KCNQ5: variants seen among roughly 807,000 people sequenced by gnomAD.
KCNQ5 encodes the protein potassium voltage-gated channel subfamily KQT member 5.
KCNQ5 carries 30 observed loss-of-function variants against 98.2 expected under a neutral mutation model. The observed-to-expected ratio is 0.31, with a 90% CI of 0.23 to 0.41. The LOEUF is 0.41. KCNQ5 is among the 10% of genes least tolerant of loss of function. The pLI is 1.00. For synonymous variants in KCNQ5, 458 were observed against 449.4 expected, an observed-to-expected ratio of 1.02 and a Z score of -0.24; for missense variants, 835 against 1,182.5, an observed-to-expected ratio of 0.71 and a Z score of 4.31.
intron 1 of KCNQ5, among the ~76,000 whole-genome samples, chr6:72,824,611 C>G (rs1377465684): frequency 6.6e-6 from 1 of 151,978 alleles, no homozygotes; most frequent in East Asian, 1.9e-4. Flanking sequence ...TACTTTGCAG[C>G]CTAATGATAA....
chr6:73,027,168 T>C (rs2150344638), intron 2 of KCNQ5, among the ~76,000 whole-genome samples: 1 of 152,254 alleles, frequency 6.6e-6, no homozygotes, highest in Non-Finnish European at 1.5e-5. Context: ...TACCTTTTAG[T>C]AGAAGTATGA....
At chr6:72,655,000 C>T (rs1766072989) in intron 1 of KCNQ5, among the ~76,000 whole-genome samples, 1 of 150,976 alleles carries the variant, frequency 6.6e-6, no homozygotes, top group Admixed American at 6.6e-5. Context: ...CTTTTTGTTT[C>T]CATGTTTAAT....
chr6:72,894,900 G>A (rs961878644), intron 1 of KCNQ5, among the ~76,000 whole-genome samples: 2 of 151,942 alleles, frequency 1.3e-5, no homozygotes, highest in Non-Finnish European at 2.9e-5. Flanking sequence ...ACTATTATGT[G>A]GTCAGACAAG....
Position 73,129,661 on chromosome 6 carries a change from C to T in KCNQ5, c.1248-3760C>T, listed in dbSNP as rs1314054013. 1.2e-5 allele frequency: 8 copies of T among 673,262 alleles called. No homozygotes were observed. The East Asian group carries it at 2.3e-4, about 19-fold the overall frequency. The allele number at this position is 673,262 out of a possible 1,614,324, so 41.7% of individuals were successfully genotyped here. On this transcript the variant is annotated intron_variant, in intron 9 of 13. Coordinates refer to ENST00000370398, the MANE Select transcript of KCNQ5 (RefSeq NM_019842.4). ...CAATTAAACAACATAGTACTCTCTG[C>T]TTAAATAGTCTGTGTACTTCTATAT...
intron 1 of KCNQ5, among the ~76,000 whole-genome samples, chr6:72,949,292 A>G (rs1277647152): frequency 6.6e-6 from 1 of 152,188 alleles, no homozygotes; most frequent in African/African-American, 2.4e-5. Flanking sequence ...CTCATGGTCT[A>G]GGCCAAAGGG....
chr6:73,096,336 CAAAAA>C (rs151045845), intron 5 of KCNQ5, among the ~76,000 whole-genome samples: 1 of 115,284 alleles, frequency 8.7e-6, no homozygotes, highest in Non-Finnish European at 1.7e-5. Flanking sequence ...GGTCCTTAGG[CAAAAA>C]AAAAAAAAAA....
At chr6:73,093,772 G>T (rs186443413) in intron 5 of KCNQ5, among the ~76,000 whole-genome samples, 2 of 152,066 alleles carry the variant, frequency 1.3e-5, no homozygotes, top group Non-Finnish European at 2.9e-5. Context: ...CTGAGAGAGT[G>T]CTTGATATAA....
At chr6:73,138,619 G>T (rs757936670) in intron 10 of KCNQ5, among the ~76,000 whole-genome samples, 4 of 152,184 alleles carry the variant, frequency 2.6e-5, no homozygotes, top group Non-Finnish European at 5.9e-5. Context: ...GTCTAACATT[G>T]TTTCTGCTTA....
At chr6:73,084,796 C>T (rs1433598766) in intron 5 of KCNQ5, among the ~76,000 whole-genome samples, 3 of 152,146 alleles carry the variant, frequency 2.0e-5, no homozygotes, top group African/African-American at 7.2e-5. Flanking sequence ...TGTGGGCCTG[C>T]CCTTTCTCCG....
chr6:72,627,046 A>G (rs904565066), intron 1 of KCNQ5, among the ~76,000 whole-genome samples: 2 of 152,206 alleles, frequency 1.3e-5, no homozygotes, highest in African/African-American at 4.8e-5. Flanking sequence ...TGGAGATTTT[A>G]AGTGGTGGGA....
chr6:72,759,171 C>G (rs1772126108), intron 1 of KCNQ5, among the ~76,000 whole-genome samples: 1 of 152,114 alleles, frequency 6.6e-6, no homozygotes, highest in Non-Finnish European at 1.5e-5. Context: ...GGCATTAAAT[C>G]CAAAAGCTTT....
rs746501546 is a variant in KCNQ5, at chr6:72,622,614, C to A, written c.398+27C>A. On this transcript the variant is annotated intron_variant, in intron 1 of 13. Coordinates refer to ENST00000370398, the MANE Select transcript of KCNQ5 (RefSeq NM_019842.4). This position sits in a 1 kb window ranked among gnomAD's most constrained non-coding sequence, Gnocchi z 6.0. ...TGAGTACCCGCGCCCCCTGCTATGCCCGCTGCAGGGGACCACTGTCCCTGG... is the reference window on the plus strand; with the variant it reads ...TGAGTACCCGCGCCCCCTGCTATGCACGCTGCAGGGGACCACTGTCCCTGG... 3.1e-6 allele frequency: 5 copies of A among 1,609,784 alleles called. No homozygotes were observed. The highest frequency in any genetic ancestry group is 4.2e-6 in the Non-Finnish European group (5 of 1,178,242).
chr6:72,787,224 T>C (rs1773803389), intron 1 of KCNQ5, among the ~76,000 whole-genome samples: 1 of 152,126 alleles, frequency 6.6e-6, no homozygotes, highest in Admixed American at 6.5e-5. Context: ...TAAAATTTTT[T>C]GATGAAAATT....
intron 1 of KCNQ5, among the ~76,000 whole-genome samples, chr6:72,883,230 C>T (rs1444416923): frequency 1.3e-5 from 2 of 152,186 alleles, no homozygotes; most frequent in Non-Finnish European, 2.9e-5. Context: ...CCCTCTTACA[C>T]TGTTTCTATC....
rs1297288955 is a variant in KCNQ5 at position 73,197,608 on chromosome 6, CA to C, written c.*2195del. 6 of 148,970 alleles carry C rather than the reference CA, an allele frequency of 4.0e-5. No individual in the cohort carries two copies. Among genetic ancestry groups the C allele is most frequent in the Non-Finnish European group, 8.9e-5 (6 of 67,248 alleles). The allele number at this position is 148,970 out of a possible 1,614,324, so 9.2% of individuals were successfully genotyped here. ...ACACACACACACACACACACACACA[CA>C]CACACACACACACACACACACACAC... is the stretch of plus-strand genomic sequence containing the variant. On this transcript the variant is annotated 3_prime_UTR_variant, in exon 14 of 14. Coordinates refer to ENST00000370398, the MANE Select transcript of KCNQ5 (RefSeq NM_019842.4).
intron 1 of KCNQ5, among the ~76,000 whole-genome samples, chr6:72,758,822 T>C (rs1274670755): frequency 6.6e-6 from 1 of 152,158 alleles, no homozygotes; most frequent in Admixed American, 6.6e-5. Context: ...TAGTAAGTTA[T>C]GTGTCTGTAA....
intron 3 of KCNQ5, among the ~76,000 whole-genome samples, chr6:73,052,918 G>A (rs1772309123): frequency 6.6e-6 from 1 of 152,084 alleles, no homozygotes; most frequent in Non-Finnish European, 1.5e-5. Flanking sequence ...AAATGTAAAT[G>A]GGCTAAATGC....
chr6:73,182,667 T>A (rs1778443526), intron 11 of KCNQ5, among the ~76,000 whole-genome samples: 1 of 152,204 alleles, frequency 6.6e-6, no homozygotes, highest in Non-Finnish European at 1.5e-5. Context: ...CCCACATATT[T>A]TTTCCTGGTG....
intron 1 of KCNQ5, among the ~76,000 whole-genome samples, chr6:72,724,523 T>A (rs976425898): frequency 1.3e-5 from 2 of 152,232 alleles, no homozygotes; most frequent in African/African-American, 2.4e-5. Flanking sequence ...GCAGTGGTTG[T>A]AAGCTCCCCC....
Sources: allele counts gnomAD v4.1 joint callset (sites outside exome capture counted in the v4.1 genomes callset), GRCh38; gene constraint gnomAD v4.1.1; non-coding constraint Gnocchi (gnomAD v3.1); transcripts MANE v1.5; gene names NCBI Gene and HGNC (gene_info 2026-07-23, HGNC 2026-07-21).